ADGRL2: variants seen among roughly 807,000 people sequenced by gnomAD.
ADGRL2 encodes adhesion G protein-coupled receptor L2, also known as calcium-independent alpha-latrotoxin receptor 2.
A neutral mutation model predicts 157.4 loss-of-function variants in ADGRL2; 44 were observed. That is an observed-to-expected ratio of 0.28 (90% CI 0.22 to 0.36). The LOEUF (loss-of-function observed/expected upper bound fraction) is 0.36. Among genes scored for constraint, ADGRL2 ranks in the 10% least tolerant of loss-of-function variants. ADGRL2 has a pLI of 1.00. For missense variants in ADGRL2, 1,510 were observed against 1,768.9 expected (o/e 0.85, Z 2.63); for synonymous variants, 585 against 624.7 (o/e 0.94, Z 0.95).
chr1:81,388,122 C>A (rs1434637334), intron 1 of ADGRL2, among the ~76,000 whole-genome samples: 1 of 152,124 alleles, frequency 6.6e-6, no homozygotes, highest in Non-Finnish European at 1.5e-5. Context: ...TCTTTTAATT[C>A]TTTAATTATA....
chr1:81,368,308 T>A (rs909357452), intron 1 of ADGRL2, among the ~76,000 whole-genome samples: 1 of 152,210 alleles, frequency 6.6e-6, no homozygotes, highest in African/African-American at 2.4e-5. Flanking sequence ...CATATGTTTG[T>A]TGGCTGCATA....
intron 2 of ADGRL2, among the ~76,000 whole-genome samples, chr1:81,871,441 T>G: frequency 6.6e-6 from 1 of 152,184 alleles, no homozygotes; most frequent in East Asian, 1.9e-4. Context: ...ATCCTTTGGG[T>G]GTATACCCAG....
chr1:81,566,778 T>C (rs1284957707), intron 2 of ADGRL2, among the ~76,000 whole-genome samples: 3 of 152,136 alleles, frequency 2.0e-5, no homozygotes, highest in African/African-American at 7.2e-5. Context: ...ATCCTTAAAA[T>C]ATTTTACTTA....
intron 20 of ADGRL2, 34 bp downstream of exon 20, chr1:81,984,745 C>T: frequency 6.2e-7 from 1 of 1,607,366 alleles, no homozygotes; most frequent in East Asian, 2.2e-5. Context: ...TTTAATTAAC[C>T]TTATTTATAG....
intron 2 of ADGRL2, among the ~76,000 whole-genome samples, chr1:81,457,063 C>T (rs1488908567): frequency 6.6e-6 from 1 of 152,070 alleles, no homozygotes; most frequent in Non-Finnish European, 1.5e-5. Context: ...TGAAGGCATC[C>T]CCCAATATGG....
intron 1 of ADGRL2, among the ~76,000 whole-genome samples, chr1:81,436,533 C>T (rs539065057): frequency 6.6e-6 from 1 of 152,268 alleles, no homozygotes; most frequent in South Asian, 2.1e-4. Context: ...CACTTTATGG[C>T]TCTTTGTTCC....
chr1:81,767,513 G>T (rs903041740), intron 2 of ADGRL2, among the ~76,000 whole-genome samples: 24 of 152,094 alleles, frequency 1.6e-4, no homozygotes, highest in African/African-American at 5.8e-4. Flanking sequence ...CACAAACAAA[G>T]AATTATCTGG....
At chr1:81,663,862 A>G (rs1371988122) in intron 3 of ADGRL2, among the ~76,000 whole-genome samples, 2 of 152,128 alleles carry the variant, frequency 1.3e-5, no homozygotes, top group African/African-American at 4.8e-5. Flanking sequence ...CTTGTATATG[A>G]TTTATAGACT....
chr1:81,392,786 C>T (rs1055043476), intron 1 of ADGRL2, among the ~76,000 whole-genome samples: 5 of 151,898 alleles, frequency 3.3e-5, no homozygotes, highest in African/African-American at 1.2e-4. Context: ...GTGGGTAAAA[C>T]TATATATGTT....
intron 3 of ADGRL2, among the ~76,000 whole-genome samples, chr1:81,609,224 G>A (rs1038399505): frequency 5.9e-5 from 9 of 151,910 alleles, no homozygotes; most frequent in Admixed American, 5.3e-4. Flanking sequence ...ATTTTAAGTA[G>A]AGACTGGGTT....
intron 1 of ADGRL2, among the ~76,000 whole-genome samples, chr1:81,372,739 C>A (rs2076182533): frequency 6.6e-6 from 1 of 152,122 alleles, no homozygotes; most frequent in African/African-American, 2.4e-5. Flanking sequence ...AGAGAATTTT[C>A]CTTTCTGTAA....
At chr1:81,890,300 A>G (rs2094227679) in intron 2 of ADGRL2, among the ~76,000 whole-genome samples, 1 of 152,250 alleles carries the variant, frequency 6.6e-6, no homozygotes, top group African/African-American at 2.4e-5. Flanking sequence ...ACTCAATTCC[A>G]TAGTGTAAAC....
intron 1 of ADGRL2, among the ~76,000 whole-genome samples, chr1:81,342,822 C>G (rs980694815): frequency 2.6e-5 from 4 of 152,004 alleles, no homozygotes; most frequent in Non-Finnish European, 2.9e-5. Flanking sequence ...TGACACAGAG[C>G]TAATAGGTTG....
At position 81,384,338 on chromosome 1, in the gene ADGRL2, A is replaced by G. The variant is rs374153834; in HGVS notation, c.-301-60698A>G. Among the ~76,000 whole-genome samples the G allele has an allele frequency of 6.6e-5, 10 of 152,288 alleles. No homozygotes were observed. In the South Asian group the frequency reaches 1.9e-3, roughly 28 times the overall value. On this transcript the variant is annotated intron_variant, in intron 1 of 24. Coordinates refer to the ADGRL2 transcript ENST00000370721. ...TATAGTAAATCTCATTTACATAGAA[A>G]AAAGGTGTGCATTTGTGGGTGTGTG... is the stretch of plus-strand genomic sequence containing the variant.
chr1:81,402,228 C>T lies in ADGRL2; in HGVS notation c.-301-42808C>T, dbSNP rs569256101. The stretch of plus-strand genomic sequence containing the variant: ...TTGCTGTTTTTCTTAGCCTAGTGCT[C>T]TTACAGACAAACAGACAGCACCATG... On this transcript the variant is annotated intron_variant, in intron 1 of 24. Transcript: ENST00000370721. Among the ~76,000 whole-genome samples the T allele has an allele frequency of 7.2e-5, 11 of 152,298 alleles. No homozygotes were observed. The East Asian group carries it at 2.1e-3, about 29-fold the overall frequency.
chr1:81,718,064 G>C (rs1290226835), intron 1 of ADGRL2, among the ~76,000 whole-genome samples: 1 of 152,204 alleles, frequency 6.6e-6, no homozygotes, highest in Non-Finnish European at 1.5e-5. Flanking sequence ...TCTGTGGCAA[G>C]GCTCGAGTGC....
Position 81,433,040 on chromosome 1 carries a change from A to T in ADGRL2, c.-301-11996A>T, listed in dbSNP as rs982360531. On this transcript the variant is annotated intron_variant, in intron 1 of 24. Transcript: ENST00000370721. ...CTAAGGAAGGAACATCTGGCTGAAC[A>T]ACTTACTGTTTAATGCTATCAGGCT... is the stretch of plus-strand genomic sequence containing the variant. 7.9e-4 allele frequency among the ~76,000 whole-genome samples: 120 copies of T among 152,022 alleles called. 1 individual carries two copies. The highest frequency in any genetic ancestry group is 7.4e-5 in the Non-Finnish European group (5 of 67,986).
Position 81,985,272 on chromosome 1 carries a change from G to T in ADGRL2, c.3425G>T (p.Arg1142Ile), listed in dbSNP as rs1220194544. Residue 1142 changes from arginine (R) to isoleucine (I), a missense_variant, in exon 21 of 24, where the codon AGA becomes ATA. Arg to Ile is a moderately conservative substitution (Grantham distance 97, BLOSUM62 -3). Around this residue, in one of 4 missense-constraint regions of ADGRL2, gnomAD observed 497 missense variants for 627.2 expected, o/e 0.79. Coordinates refer to ENST00000686636, the MANE Select transcript of ADGRL2 (RefSeq NM_001366006.2). Reference protein sequence around the residue: ...YSSGTQSRIRRMWNDTVRKQS... With the variant: ...YSSGTQSRIRIMWNDTVRKQS... ...TTGTATTAATAGAGTCGTATAAGAAGAATGTGGAATGATACTGTGAGAAAA... is the reference window on the plus strand; with the variant it reads ...TTGTATTAATAGAGTCGTATAAGAATAATGTGGAATGATACTGTGAGAAAA... 3 of 1,591,214 alleles carry T rather than the reference G, an allele frequency of 1.9e-6. No homozygotes were observed. The highest frequency in any genetic ancestry group is 1.7e-6 in the Non-Finnish European group (2 of 1,161,824).
chr1:81,712,984 C>T (rs1236496617), intron 1 of ADGRL2, among the ~76,000 whole-genome samples: 1 of 152,078 alleles, frequency 6.6e-6, no homozygotes, highest in African/African-American at 2.4e-5. Context: ...TCTCAAACTC[C>T]TGACCTCAGG....
Sources: gnomAD v4.1 joint callset for allele counts (sites outside exome capture counted in the v4.1 genomes callset) on GRCh38, gnomAD v4.1.1 for gene constraint, gnomAD v4.1.1 regional missense constraint, MANE v1.5 for transcripts, NCBI Gene and HGNC (gene_info 2026-07-23, HGNC 2026-07-21) for gene names.